The following MB variants were observed in gnomAD, a reference collection of about 807,000 sequenced individuals.
The protein encoded by MB is nitrite reductase MB.
Under a neutral mutation model 14.5 loss-of-function variants are expected in MB, and 10 were observed. That is an observed-to-expected ratio of 0.69 (90% CI 0.43 to 1.17). MB has a LOEUF of 1.17. MB is among the 50% of genes most tolerant of loss of function. MB has a pLI of 0.00. For missense variants in MB, 169 were observed against 192.7 expected, an observed-to-expected ratio of 0.88 and a Z score of 0.73; for synonymous variants, 89 against 78.6, an observed-to-expected ratio of 1.13 and a Z score of -0.70.
At position 35,610,902 on chromosome 22, in the gene MB, G is replaced by T. The variant is rs1286739964; in HGVS notation, c.300C>A (p.Ile100=). The change falls in exon 2 of 3, where the codon ATC becomes ATA. Residue 100 remains isoleucine (I), a synonymous_variant. Coordinates refer to ENST00000397326, the MANE Select transcript of MB (RefSeq NM_005368.3). Reference sequence around the variant, plus strand: ...CTCCTACCTCCAGGTACTTCACGGGGATCTTGTGCTTGGTGGCATGCGACT... The same window carrying T: ...CTCCTACCTCCAGGTACTTCACGGGTATCTTGTGCTTGGTGGCATGCGACT... ...LAQSHATKHK[I]PVKYLEFISE... is the part of the protein sequence containing the mutation. The T allele has an allele frequency of 1.2e-6, 2 of 1,614,064 alleles. No individual in the cohort carries two copies.
upstream of MB, among the ~76,000 whole-genome samples, chr22:35,618,993 T>A (rs990322473): frequency 2.1e-4 from 31 of 145,872 alleles, no homozygotes; most frequent in African/African-American, 7.2e-4. Flanking sequence ...CCATTCATCA[T>A]CCCCCCTCCA....
chr22:35,617,513 C>T (rs73405616), upstream of MB: 360 of 507,128 alleles, frequency 7.1e-4, 1 homozygote, highest in African/African-American at 6.3e-3. Context: ...GCCATTGTGG[C>T]GAGGCAGGAC....
chr22:35,612,605 C>A (rs1922722847), intron 1 of MB, among the ~76,000 whole-genome samples: 1 of 152,090 alleles, frequency 6.6e-6, no homozygotes, highest in African/African-American at 2.4e-5. Flanking sequence ...TACAGGCGCC[C>A]AGCCATATTA....
chr22:35,609,937 C>A (rs1330596162), intron 2 of MB, among the ~76,000 whole-genome samples: 3 of 152,190 alleles, frequency 2.0e-5, no homozygotes, highest in South Asian at 2.1e-4. Context: ...CTTTCTCCTG[C>A]TTCCAGTTGG....
chr22:35,621,261 C>T (rs1268077442), upstream of MB, among the ~76,000 whole-genome samples: 3 of 152,132 alleles, frequency 2.0e-5, no homozygotes, highest in East Asian at 1.9e-4. Flanking sequence ...AGTCTGATAC[C>T]CAGTGGGGCA....
At position 35,607,177 on chromosome 22, in the gene MB, G is replaced by T; in HGVS notation, c.*120C>A. ...CAGCCCCAGCCCCTCAGCTCCTCCT[G>T]CCCACCTCTACTAAACAAAGCAGAC... On this transcript the variant is annotated 3_prime_UTR_variant, in exon 3 of 3. Transcript: ENST00000397326. 8.2e-7 allele frequency: 1 copy of T among 1,220,078 alleles called. No homozygotes were observed. Among genetic ancestry groups the T allele is most frequent in the Admixed American group, 2.3e-5 (1 of 43,270 alleles). 75.6% of individuals were successfully genotyped at this position (1,220,078 alleles called of 1,614,324 possible). A position where few individuals can be genotyped will look rare whatever the true frequency, so the allele number is the denominator to read the frequency against.
In MB at chr22:35,608,501, G is replaced by T. The variant is rs1922322454; in HGVS notation, c.319-1058C>A. ...TAGTCGCGGGTGGGACATGCAAAGGGAGGCCTCAAGAAGCATCAACACCCC... is the reference window on the plus strand; with the variant it reads ...TAGTCGCGGGTGGGACATGCAAAGGTAGGCCTCAAGAAGCATCAACACCCC... On this transcript the variant is annotated intron_variant, in intron 2 of 2. Transcript: ENST00000397326. The surrounding 1 kb of genome is among the most constrained non-coding windows in gnomAD (Gnocchi z 4.3). 1.3e-5 allele frequency among the ~76,000 whole-genome samples: 2 copies of T among 152,190 alleles called. No individual in the cohort carries two copies.
At chr22:35,618,166 A>G (rs1214653270), upstream of MB, among the ~76,000 whole-genome samples, 1 of 152,222 alleles carries the variant, frequency 6.6e-6, no homozygotes, top group African/African-American at 2.4e-5. Context: ...AGGTACTGAC[A>G]TTATCCCTAT....
At chr22:35,610,314 C>T (rs965749851) in intron 2 of MB, among the ~76,000 whole-genome samples, 5 of 152,214 alleles carry the variant, frequency 3.3e-5, no homozygotes, top group Non-Finnish European at 5.9e-5. Context: ...GGTCCTGTCT[C>T]TTCATCTGTG....
exon 1 of MB, chr22:35,623,214 A>G (rs1412387962): frequency 6.6e-6 from 1 of 152,306 alleles, no homozygotes; most frequent in Non-Finnish European, 1.5e-5. Flanking sequence ...GCGAGGAAAT[A>G]CCAAGCCCAA....
chr22:35,618,005 A>G (rs1923209566), upstream of MB, among the ~76,000 whole-genome samples: 1 of 152,164 alleles, frequency 6.6e-6, no homozygotes. Context: ...TGCTTCCCAA[A>G]GGGCATCCTA....
At chr22:35,607,803 A>G (rs995326858) in intron 2 of MB, among the ~76,000 whole-genome samples, 13 of 152,184 alleles carry the variant, frequency 8.5e-5, no homozygotes, top group Admixed American at 2.0e-4. Context: ...AGCTCAGAGC[A>G]CCACCCGCTT....
upstream of MB, chr22:35,621,827 C>T (rs1048763822): frequency 6.6e-6 from 1 of 152,154 alleles, no homozygotes; most frequent in African/African-American, 2.4e-5. Flanking sequence ...CACTGAGCAC[C>T]CTCCCCAGGC....
chr22:35,607,269 G>T lies in MB; in HGVS notation c.*28C>A. ...CGCTCTCTCTTGAACCCGGGGCCCA[G>T]ATGGGTGGGGGTGGGAGCGGCAGGG... On this transcript the variant is annotated 3_prime_UTR_variant, in exon 3 of 3. Coordinates refer to ENST00000397326, the MANE Select transcript of MB (RefSeq NM_005368.3). 1 of 1,601,300 alleles carries T rather than the reference G, an allele frequency of 6.2e-7. No individual in the cohort carries two copies. The highest frequency in any genetic ancestry group is 8.5e-7 in the Non-Finnish European group (1 of 1,171,588).
intron 2 of MB, among the ~76,000 whole-genome samples, 199 bp downstream of exon 2, chr22:35,610,685 G>A (rs5755790): frequency 0.67 from 102,473 of 152,082 alleles, 36,172 homozygotes; most frequent in East Asian, 0.93. Flanking sequence ...AAAATGCTAA[G>A]TGTGTTCATT....
intron 2 of MB, among the ~76,000 whole-genome samples, chr22:35,609,711 G>A (rs1922444082): frequency 6.6e-6 from 1 of 152,164 alleles, no homozygotes; most frequent in African/African-American, 2.4e-5. Context: ...TACTTGCCTG[G>A]GGCAGAGACT....
intron 1 of MB, among the ~76,000 whole-genome samples, chr22:35,616,571 A>C (rs773328479): frequency 6.6e-6 from 1 of 152,168 alleles, no homozygotes; most frequent in Non-Finnish European, 1.5e-5. Context: ...GGCCTCTTGC[A>C]TGCATTATTT....
At chr22:35,614,162 A>T (rs1168033086) in intron 1 of MB, among the ~76,000 whole-genome samples, 1 of 152,152 alleles carries the variant, frequency 6.6e-6, no homozygotes, top group Admixed American at 6.5e-5. Context: ...CCAATTGGAC[A>T]CTCACATGGA....
rs573430067 is a variant in MB, at chr22:35,607,507, G to C, written c.319-64C>G. The C allele has an allele frequency of 3.8e-5, 58 of 1,520,156 alleles. No homozygotes were observed. The African/African-American group carries it at 7.1e-4, about 19-fold the overall frequency. 94.2% of individuals were successfully genotyped at this position (1,520,156 alleles called of 1,614,324 possible). ...GGGACAAGCCAGGGGCCAGATGGGA[G>C]TCAGTTGTCCTCCTACCTTCTCTTT... On this transcript the variant is annotated intron_variant, in intron 2 of 2. Coordinates refer to ENST00000397326, the MANE Select transcript of MB (RefSeq NM_005368.3).
Sources: gnomAD v4.1 joint callset for allele counts (sites outside exome capture counted in the v4.1 genomes callset) on GRCh38, gnomAD v4.1.1 for gene constraint, Gnocchi (gnomAD v3.1) non-coding constraint, MANE v1.5 for transcripts, NCBI Gene and HGNC (gene_info 2026-07-23, HGNC 2026-07-21) for gene names.